DHCR7: variants seen among roughly 807,000 people sequenced by gnomAD.
DHCR7 encodes 7-dehydrocholesterol reductase.
A neutral mutation model predicts 43.3 loss-of-function variants in DHCR7; 40 were observed. The ratio of observed to expected loss-of-function variants is 0.92; its 90% CI spans 0.72 to 1.20. The LOEUF (loss-of-function observed/expected upper bound fraction) is 1.20, where lower values mean the gene tolerates loss of function less well. Among genes scored for constraint, DHCR7 ranks in the 50% most tolerant of loss-of-function variants. The pLI, the probability that DHCR7 is intolerant of heterozygous loss-of-function variation, is 0.00. For missense variants in DHCR7, 608 were observed against 644.6 expected (o/e 0.94, Z 0.62); for synonymous variants, 298 against 271.4 (o/e 1.10, Z -0.96).
downstream of DHCR7, among the ~76,000 whole-genome samples, chr11:71,431,549 C>T (rs143489302): frequency 6.6e-6 from 1 of 152,278 alleles, no homozygotes; most frequent in Admixed American, 6.5e-5. Context: ...CCAGTGCCTG[C>T]GTGGAAACCC....
At chr11:71,430,840 G>C (rs1481912184), downstream of DHCR7, among the ~76,000 whole-genome samples, 1 of 152,196 alleles carries the variant, frequency 6.6e-6, no homozygotes, top group Admixed American at 6.5e-5. Context: ...CATGCTGATT[G>C]GCTTGTGAGT....
chr11:71,427,944 T>C (rs1056653489), downstream of DHCR7, among the ~76,000 whole-genome samples: 5 of 152,148 alleles, frequency 3.3e-5, no homozygotes, highest in Non-Finnish European at 7.3e-5. Flanking sequence ...CCAAAAGGCA[T>C]ACTATTTGTA....
At chr11:71,427,319 C>A (rs1035298304), downstream of DHCR7, among the ~76,000 whole-genome samples, 1 of 152,256 alleles carries the variant, frequency 6.6e-6, no homozygotes, top group South Asian at 2.1e-4. Flanking sequence ...TTATTTAGCT[C>A]TTCTTTAATT....
Position 71,438,991 on chromosome 11 carries a change from T to C in DHCR7, c.719A>G (p.Asn240Ser), listed in dbSNP as rs148609143. The C allele has an allele frequency of 2.5e-4, 399 of 1,614,108 alleles. No individual in the cohort carries two copies. The highest frequency in any genetic ancestry group is 3.1e-4 in the Non-Finnish European group (360 of 1,180,046). The change falls in exon 7 of 9, where the codon AAT becomes AGT. Residue 240 changes from asparagine (N) to serine (S), a missense_variant. Coordinates refer to ENST00000355527, the MANE Select transcript of DHCR7 (RefSeq NM_001360.3). ...CCAGGCGACGATCCCGGGGCGCCCA[T>C]TGAAGAACAGCTTGAAGTCAAACCA... ...GKWFDFKLFF[N>S]GRPGIVAWTL...
chr11:71,441,518 G>A (rs1949348404), intron 5 of DHCR7, 78 bp from the exon 6 acceptor site: 1 of 1,276,400 alleles, frequency 7.8e-7, no homozygotes, highest in Non-Finnish European at 1.1e-6. Flanking sequence ...AGCATGCCTG[G>A]CGGGGGCCCT....
chr11:71,446,905 C>T (rs1949410695), intron 2 of DHCR7, among the ~76,000 whole-genome samples: 2 of 152,250 alleles, frequency 1.3e-5, no homozygotes, highest in African/African-American at 4.8e-5. Flanking sequence ...AAGAAAACTA[C>T]TTCTGAGAAA....
chr11:71,434,151 GT>G (rs1395779202), downstream of DHCR7, among the ~76,000 whole-genome samples: 1 of 152,210 alleles, frequency 6.6e-6, no homozygotes, highest in Non-Finnish European at 1.5e-5. Context: ...GCCAAGCCTG[GT>G]TTCATCTCCT....
chr11:71,446,523 TG>T (rs1949405147), intron 2 of DHCR7, among the ~76,000 whole-genome samples: 1 of 152,198 alleles, frequency 6.6e-6, no homozygotes, highest in Non-Finnish European at 1.5e-5. Context: ...CAAAAGTAGC[TG>T]AAAGAATGAA....
intron 8 of DHCR7, among the ~76,000 whole-genome samples, chr11:71,436,904 T>C (rs1477825001): frequency 6.6e-6 from 1 of 152,222 alleles, no homozygotes; most frequent in East Asian, 1.9e-4. Context: ...GTAAGAGCTA[T>C]TATATAGTGG....
At position 71,447,628 on chromosome 11, in the gene DHCR7, T is replaced by C. The variant is rs1337041701; in HGVS notation, c.-25A>G. On this transcript the variant is annotated 5_prime_UTR_variant, in exon 2 of 9. Coordinates refer to ENST00000355527, the MANE Select transcript of DHCR7 (RefSeq NM_001360.3). ...CACTTACCTCCAGCCTCTTGCCAAA[T>C]AGTTTCACAGCAGAAGGGAACTTTT... The C allele has an allele frequency of 6.6e-6, 1 of 152,230 alleles. No individual in the cohort carries two copies. Among genetic ancestry groups the C allele is most frequent in the Non-Finnish European group, 1.5e-5 (1 of 68,048 alleles). The allele number at this position is 152,230 out of a possible 1,614,324, so 9.4% of individuals were successfully genotyped here. A position where few individuals can be genotyped will look rare whatever the true frequency, so the allele number is the denominator to read the frequency against.
rs1169820691 is a variant in DHCR7 at position 71,444,953 on chromosome 11, TG to T, written c.-2del. 6.2e-7 allele frequency: 1 copy of T among 1,613,990 alleles called. No individual in the cohort carries two copies. Among genetic ancestry groups the T allele is most frequent in the Non-Finnish European group, 8.5e-7 (1 of 1,179,828 alleles). On this transcript the variant is annotated 5_prime_UTR_variant, in exon 3 of 9. Transcript: ENST00000355527. ...TGTTGGGTTGCGATTTTGCAGCCAT[TG>T]GGCCCTGCAAGAAAGAGAACCTTGC...
intron 6 of DHCR7, among the ~76,000 whole-genome samples, chr11:71,440,789 T>C (rs1949340387): frequency 6.6e-6 from 1 of 151,928 alleles, no homozygotes; most frequent in Non-Finnish European, 1.5e-5. Context: ...GGCTCACCAC[T>C]GTCCAGCCAT....
At chr11:71,432,797 A>C (rs969831669), downstream of DHCR7, among the ~76,000 whole-genome samples, 6 of 152,168 alleles carry the variant, frequency 3.9e-5, no homozygotes, top group Non-Finnish European at 5.9e-5. Context: ...TCAGTTTCCC[A>C]AGAAATCAGC....
chr11:71,441,413 C>T lies in DHCR7; in HGVS notation c.440G>A (p.Gly147Asp), dbSNP rs777425801. ...GTGCGTGAGGAGCCAGGCTTGCAGGCCATTGATCTGATACTTGTTCACAAC... is the reference window on the plus strand; with the variant it reads ...GTGCGTGAGGAGCCAGGCTTGCAGGTCATTGATCTGATACTTGTTCACAAC... ...AGVVNKYQIN[G>D]LQAWLLTHLL... Residue 147 changes from glycine to aspartate, a missense_variant, in exon 6 of 9, where the codon GGC (glycine) becomes GAC (aspartate). Gly to Asp is a moderately conservative substitution (Grantham distance 94). Coordinates refer to ENST00000355527, the MANE Select transcript of DHCR7 (RefSeq NM_001360.3). The T allele has an allele frequency of 9.5e-5, 154 of 1,613,726 alleles. No individual in the cohort carries two copies. Among genetic ancestry groups the T allele is most frequent in the Non-Finnish European group, 1.2e-4 (146 of 1,179,810 alleles).
chr11:71,442,370 G>A lies in DHCR7; in HGVS notation c.322-17C>T. 1 of 1,601,184 alleles carries A rather than the reference G, an allele frequency of 6.2e-7. No homozygotes were observed. Among genetic ancestry groups the A allele is most frequent in the South Asian group, 1.1e-5 (1 of 90,578 alleles). On this transcript the variant is annotated splice_polypyrimidine_tract_variant and intron_variant, in intron 4 of 8. Transcript: ENST00000355527. ...CAGAAGCACCTGAAACACACAAGCA[G>A]CCTGATCACCCCCCGCCTGGAGGGC...
At position 71,435,557 on chromosome 11, in the gene DHCR7, G is replaced by C; in HGVS notation, c.1246C>G (p.Leu416Val). ...CCGCCACAGGCCAGGCAGTAGGCCAGGCTGCCCATCAGGTCGCCGACGTAG... is the reference window on the plus strand; with the variant it reads ...CCGCCACAGGCCAGGCAGTAGGCCACGCTGCCCATCAGGTCGCCGACGTAG... ...FNYVGDLMGS[L>V]AYCLACGGGH... Residue 416 changes from leucine (L) to valine (V), a missense_variant, in exon 9 of 9, where the codon CTG (leucine) becomes GTG (valine). Leu to Val is a conservative substitution (Grantham distance 32). Transcript: ENST00000355527. The C allele has an allele frequency of 6.2e-7, 1 of 1,610,940 alleles. No individual in the cohort carries two copies. Among genetic ancestry groups the C allele is most frequent in the Non-Finnish European group, 8.5e-7 (1 of 1,179,892 alleles).
At chr11:71,444,715 C>G (rs1949387974) in intron 3 of DHCR7, 140 bp downstream of exon 3, 4 of 698,324 alleles carry the variant, frequency 5.7e-6, no homozygotes, top group Middle Eastern at 2.6e-4. Flanking sequence ...AAACTGTTTA[C>G]CTTTCATTAG....
chr11:71,435,733 T>C lies in DHCR7; in HGVS notation c.1070A>G (p.Gln357Arg). The C allele has an allele frequency of 6.2e-7, 1 of 1,612,554 alleles. No individual in the cohort carries two copies. The highest frequency in any genetic ancestry group is 8.5e-7 in the Non-Finnish European group (1 of 1,179,422). Reference protein sequence around the residue: ...GYYIFRVANHQKDLFRRTDGR... With the variant: ...GYYIFRVANHRKDLFRRTDGR... ...ATCCGTGCGGCGGAACAGGTCCTTC[T>C]GGTGGTTGGCCACCCGGAAGATGTA... The change falls in exon 9 of 9, where the codon CAG becomes CGG. Residue 357 changes from glutamine (Q) to arginine (R), a missense_variant. Gln to Arg is a conservative substitution (Grantham distance 43). Transcript: ENST00000355527.
intron 7 of DHCR7, 188 bp downstream of exon 7, chr11:71,438,691 G>A (rs941370516): frequency 3.0e-6 from 2 of 666,820 alleles, no homozygotes; most frequent in South Asian, 1.8e-5. Context: ...AGGGCTGGCA[G>A]AGACAGGCAC....
Sources: gnomAD v4.1 joint callset for allele counts (sites outside exome capture counted in the v4.1 genomes callset) on GRCh38, gnomAD v4.1.1 for gene constraint, MANE v1.5 for transcripts, NCBI Gene and HGNC (gene_info 2026-07-23, HGNC 2026-07-21) for gene names.